Variants in C14orf39 observed in about 807,000 individuals in gnomAD.
C14orf39 encodes the protein chromosome 14 open reading frame 39.
C14orf39 carries 66 observed loss-of-function variants against 85.6 expected under a neutral mutation model. The ratio of observed to expected loss-of-function variants is 0.77; its 90% CI spans 0.63 to 0.95. C14orf39 has a LOEUF of 0.95. C14orf39 is among the 40% of genes least tolerant of loss of function. The pLI is 0.00. For synonymous variants in C14orf39, 242 were observed against 214.0 expected (o/e 1.13, Z -1.14); for missense variants, 735 against 663.9 (o/e 1.11, Z -1.18).
chr14:60,495,993 A>T (rs1893064782), intron 2 of C14orf39: 1 of 495,198 alleles, frequency 2.0e-6, no homozygotes, highest in South Asian at 1.5e-5. Context: ...GACGAAGGGT[A>T]TCAGTCCCAG....
At chr14:60,488,543 A>G (rs1369934912), upstream of C14orf39, among the ~76,000 whole-genome samples, 1 of 152,170 alleles carries the variant, frequency 6.6e-6, no homozygotes, top group African/African-American at 2.4e-5. Context: ...AATTTTCCTT[A>G]TCTATTATTG....
At chr14:60,509,385 C>T (rs1437485201) in intron 1 of C14orf39, 2 of 1,598,328 alleles carry the variant, frequency 1.3e-6, no homozygotes, top group Non-Finnish European at 1.7e-6. Flanking sequence ...CTCGCCGCCG[C>T]CGGCACTGCC....
chr14:60,493,655 T>G (rs1200858761), intron 2 of C14orf39: 1 of 152,214 alleles, frequency 6.6e-6, no homozygotes, highest in Admixed American at 6.5e-5. Context: ...TTTTTATTTT[T>G]TGCAAAGCAG....
At chr14:60,482,879 GGTGTGT>G (rs60206941) in intron 4 of C14orf39, among the ~76,000 whole-genome samples, 11 of 146,744 alleles carry the variant, frequency 7.5e-5, no homozygotes, top group African/African-American at 1.0e-4. Flanking sequence ...TATATAGACA[GGTGTGT>G]GTGTGTGTGT....
rs750228011 is a variant in C14orf39, at chr14:60,468,489, T to C, written c.723A>G (p.Glu241=). ...TGTTTTCTGTATTTTTGTTCTTTTC[T>C]TCCAGAGTTTCTGAAAGAGCCTTAG... ...NETKALSETL[E]EKNKNTENRK... The change falls in exon 9 of 18, where the codon GAA becomes GAG. Residue 241 remains glutamate, a synonymous_variant. Coordinates refer to ENST00000321731, the MANE Select transcript of C14orf39 (RefSeq NM_174978.3). 18 of 1,598,740 alleles carry C rather than the reference T, an allele frequency of 1.1e-5. No individual in the cohort carries two copies. The highest frequency in any genetic ancestry group is 1.7e-4 in the Middle Eastern group (1 of 5,992).
intron 16 of C14orf39, among the ~76,000 whole-genome samples, chr14:60,445,050 C>T (rs1298919625): frequency 1.3e-5 from 2 of 152,176 alleles, no homozygotes; most frequent in Non-Finnish European, 2.9e-5. Context: ...GCCTGCCTTA[C>T]AAGAGCTCCT....
intron 11 of C14orf39, among the ~76,000 whole-genome samples, chr14:60,462,655 T>C (rs919618570): frequency 1.3e-5 from 2 of 152,160 alleles, no homozygotes; most frequent in Admixed American, 6.6e-5. Flanking sequence ...TGCTACTGTT[T>C]TGATGTATGC....
intron 16 of C14orf39, among the ~76,000 whole-genome samples, chr14:60,453,355 T>G (rs1891124433): frequency 6.6e-6 from 1 of 150,892 alleles, no homozygotes; most frequent in African/African-American, 2.5e-5. Flanking sequence ...GAAATGATAT[T>G]AATATAGCTA....
intron 16 of C14orf39, among the ~76,000 whole-genome samples, chr14:60,447,579 G>T (rs2140040626): frequency 6.6e-6 from 1 of 152,238 alleles, no homozygotes; most frequent in Admixed American, 6.5e-5. Flanking sequence ...CCATGCTCAT[G>T]GATAGAAAGA....
intron 13 of C14orf39, among the ~76,000 whole-genome samples, chr14:60,459,095 A>G (rs1157904294): frequency 1.1e-4 from 17 of 151,776 alleles, no homozygotes; most frequent in Non-Finnish European, 1.5e-5. Flanking sequence ...TCATCTAAAT[A>G]ATATAGCCTA....
At chr14:60,492,766 G>C (rs984423261) in intron 2 of C14orf39, among the ~76,000 whole-genome samples, 12 of 152,054 alleles carry the variant, frequency 7.9e-5, no homozygotes, top group African/African-American at 2.7e-4. Flanking sequence ...CTGGGTGACA[G>C]AGCAAGACCC....
At chr14:60,469,156 C>A (rs538307414) in intron 8 of C14orf39, among the ~76,000 whole-genome samples, 29 of 151,042 alleles carry the variant, frequency 1.9e-4, no homozygotes, top group African/African-American at 7.0e-4. Flanking sequence ...TTATTTACTA[C>A]CTTTTTAAAA....
Position 60,491,812 on chromosome 14 carries a change from C to T in C14orf39, c.-8-6726G>A, listed in dbSNP as rs1021403955. ...TCTTAAATGTAAATATTCTCTCTCT[C>T]TTTTTCTCTCTCTCTCTCTCTCTCA... On this transcript the variant is annotated intron_variant, in intron 2 of 5. Coordinates refer to the C14orf39 transcript ENST00000556799. This position sits in a 1 kb window ranked among gnomAD's most constrained non-coding sequence, Gnocchi z 4.5. Among the ~76,000 whole-genome samples, 75 of 151,980 alleles carry T rather than the reference C, an allele frequency of 4.9e-4. No homozygotes were observed. Among genetic ancestry groups the T allele is most frequent in the African/African-American group, 1.7e-3 (72 of 41,280 alleles).
intron 17 of C14orf39, among the ~76,000 whole-genome samples, chr14:60,441,609 G>C (rs190968290): frequency 3.6e-4 from 54 of 151,920 alleles, no homozygotes; most frequent in Non-Finnish European, 6.5e-4. Context: ...TTTCATTCTT[G>C]TCCACTGTCA....
intron 14 of C14orf39, 108 bp from the exon 15 acceptor site, chr14:60,457,203 T>C (rs914813920): frequency 5.4e-6 from 3 of 556,732 alleles, no homozygotes; most frequent in African/African-American, 3.9e-5. Context: ...GATGTTAACA[T>C]TGCACAGACA....
At chr14:60,478,246 A>G (rs1892487550) in intron 5 of C14orf39, 54 bp downstream of exon 5, 6 of 779,530 alleles carry the variant, frequency 7.7e-6, no homozygotes, top group East Asian at 3.1e-5. Context: ...CTTACACACC[A>G]TGTCCTAATA....
chr14:60,471,929 A>G (rs1892105654), intron 5 of C14orf39, among the ~76,000 whole-genome samples, 190 bp from the exon 6 acceptor site: 1 of 151,836 alleles, frequency 6.6e-6, no homozygotes. Context: ...CTTTTTCTTC[A>G]TTACCTGAGT....
intron 1 of C14orf39, chr14:60,509,523 C>A (rs1477173742): frequency 1.9e-6 from 3 of 1,607,332 alleles, no homozygotes; most frequent in Non-Finnish European, 1.7e-6. Context: ...GTGGCCCCTG[C>A]GGCCTGCGAG....
intron 16 of C14orf39, among the ~76,000 whole-genome samples, chr14:60,444,250 A>G: frequency 6.6e-6 from 1 of 152,072 alleles, no homozygotes; most frequent in East Asian, 1.9e-4. Flanking sequence ...ACAAACTTCT[A>G]CGAGCTAAAG....
Sources: gnomAD v4.1 joint callset for allele counts (sites outside exome capture counted in the v4.1 genomes callset) on GRCh38, gnomAD v4.1.1 for gene constraint, Gnocchi (gnomAD v3.1) non-coding constraint, MANE v1.5 for transcripts, NCBI Gene and HGNC (gene_info 2026-07-23, HGNC 2026-07-21) for gene names.